SFMBT1: variants seen among roughly 807,000 people sequenced by gnomAD.
SFMBT1 encodes the protein scm-like with four MBT domains protein 1.
A neutral mutation model predicts 108.7 loss-of-function variants in SFMBT1; 32 were observed. The observed-to-expected ratio is 0.29, with a 90% CI of 0.22 to 0.40. The LOEUF is 0.40. SFMBT1 is among the 10% of genes least tolerant of loss of function. SFMBT1 has a pLI of 1.00. For synonymous variants in SFMBT1, 348 were observed against 369.5 expected (o/e 0.94, Z 0.67); for missense variants, 816 against 1,059.6 (o/e 0.77, Z 3.19).
At chr3:53,016,632 G>A (rs550294429) in intron 1 of SFMBT1, among the ~76,000 whole-genome samples, 1 of 152,274 alleles carries the variant, frequency 6.6e-6, no homozygotes, top group African/African-American at 2.4e-5. Context: ...GCCTTCTCAA[G>A]TCATTTTCCT....
chr3:52,977,426 G>A (rs1463016797), intron 1 of SFMBT1, among the ~76,000 whole-genome samples: 2 of 152,066 alleles, frequency 1.3e-5, no homozygotes, highest in African/African-American at 4.8e-5. Context: ...CAGAAGAATC[G>A]CTTGAACCCA....
rs922283354 is a variant in SFMBT1 at position 52,946,309 on chromosome 3, CAG to C, written c.124-2718_124-2717del. Among the ~76,000 whole-genome samples, 166 of 152,260 alleles carry C rather than the reference CAG, an allele frequency of 1.1e-3. 1 individual carries two copies. Among genetic ancestry groups the C allele is most frequent in the African/African-American group, 3.9e-3 (162 of 41,470 alleles). ...ATGCAAGTGGAATCCTGGAGACAGC[CAG>C]AGAGGGAAAGTCCCACATTCTGTGT... On this transcript the variant is annotated intron_variant, in intron 3 of 20. Transcript: ENST00000394752.
At chr3:52,973,641 G>C (rs1704420535) in intron 1 of SFMBT1, among the ~76,000 whole-genome samples, 1 of 151,614 alleles carries the variant, frequency 6.6e-6, no homozygotes, top group African/African-American at 2.4e-5. Flanking sequence ...ATCTTGGTGG[G>C]GTTTTTTTAC....
At chr3:53,038,784 T>C (rs943049542) in intron 1 of SFMBT1, among the ~76,000 whole-genome samples, 8 of 152,198 alleles carry the variant, frequency 5.3e-5, no homozygotes, top group Non-Finnish European at 1.2e-4. Context: ...CACGTACTAG[T>C]TTTCTATCAA....
chr3:52,985,240 C>A (rs1159146263), intron 1 of SFMBT1, among the ~76,000 whole-genome samples: 2 of 152,108 alleles, frequency 1.3e-5, no homozygotes, highest in African/African-American at 2.4e-5. Flanking sequence ...AGGAAAAGAC[C>A]ATGTTCAGTT....
intron 8 of SFMBT1, among the ~76,000 whole-genome samples, chr3:52,929,364 C>T (rs866324895): frequency 1.6e-4 from 25 of 152,006 alleles, no homozygotes; most frequent in African/African-American, 5.8e-4. Flanking sequence ...CTCAGCCTCC[C>T]GAGCAGCTGG....
At chr3:53,030,011 T>A (rs1699628503) in intron 1 of SFMBT1, among the ~76,000 whole-genome samples, 1 of 152,076 alleles carries the variant, frequency 6.6e-6, no homozygotes, top group South Asian at 2.1e-4. Context: ...AAAAACCAGT[T>A]TAAATATTAG....
rs1404090897 is a variant in SFMBT1 at position 52,926,013 on chromosome 3, G to A, written c.1131+18C>T. Reference sequence around the variant, plus strand: ...TGCAGCCCTGCCATAGTGGCCATGAGGCCGTGGGGGTCCTCACCGGAGGGA... The same window carrying A: ...TGCAGCCCTGCCATAGTGGCCATGAAGCCGTGGGGGTCCTCACCGGAGGGA... On this transcript the variant is annotated intron_variant, in intron 10 of 20. Transcript: ENST00000394752. The A allele has an allele frequency of 6.2e-7, 1 of 1,604,662 alleles. No individual in the cohort carries two copies. Among genetic ancestry groups the A allele is most frequent in the Non-Finnish European group, 8.5e-7 (1 of 1,176,516 alleles).
intron 1 of SFMBT1, among the ~76,000 whole-genome samples, chr3:53,037,300 G>A (rs1699897942): frequency 6.6e-6 from 1 of 152,162 alleles, no homozygotes; most frequent in South Asian, 2.1e-4. Context: ...CCTGAGAATG[G>A]AGCCTGACAA....
In SFMBT1 at chr3:52,914,410, T is replaced by C. The variant is rs112259881; in HGVS notation, c.1481-793A>G. 2.6e-3 allele frequency among the ~76,000 whole-genome samples: 394 copies of C among 152,194 alleles called. 1 individual carries two copies. The highest frequency in any genetic ancestry group is 8.7e-3 in the African/African-American group (361 of 41,520). The stretch of plus-strand genomic sequence containing the variant: ...GCCCATTGTTGATAGGATCCTGCAG[T>C]TCATAATGTTTTCTCTTTAATTAAG... On this transcript the variant is annotated intron_variant, in intron 14 of 20. Coordinates refer to ENST00000394752, the MANE Select transcript of SFMBT1 (RefSeq NM_016329.4).
chr3:52,968,716 G>A (rs567340488), intron 2 of SFMBT1, among the ~76,000 whole-genome samples: 2 of 150,064 alleles, frequency 1.3e-5, no homozygotes, highest in African/African-American at 2.5e-5. Context: ...TCTCCTGCCC[G>A]AGTAGCTGGG....
chr3:52,979,031 G>A (rs1462259995), intron 1 of SFMBT1, among the ~76,000 whole-genome samples: 1 of 152,018 alleles, frequency 6.6e-6, no homozygotes, highest in African/African-American at 2.4e-5. Flanking sequence ...ATTAGACTGT[G>A]GTGAGAGTTG....
chr3:52,964,828 T>C (rs1233244385), intron 2 of SFMBT1, among the ~76,000 whole-genome samples: 5 of 152,172 alleles, frequency 3.3e-5, no homozygotes, highest in African/African-American at 4.8e-5. Context: ...TGCTCTAGAA[T>C]TTGATCATCA....
chr3:52,989,991 G>A (rs1049351185), intron 1 of SFMBT1, among the ~76,000 whole-genome samples: 1 of 152,014 alleles, frequency 6.6e-6, no homozygotes, highest in African/African-American at 2.4e-5. Flanking sequence ...TCCTTCAAAG[G>A]GAAAAAATTT....
chr3:52,957,177 A>C (rs1186055432), intron 2 of SFMBT1, among the ~76,000 whole-genome samples: 4 of 152,260 alleles, frequency 2.6e-5, no homozygotes, highest in South Asian at 2.1e-4. Flanking sequence ...CTATACGCCA[A>C]CAACAGACAA....
At chr3:52,945,115 T>C (rs922217549) in intron 3 of SFMBT1, among the ~76,000 whole-genome samples, 2 of 51,348 alleles carry the variant, frequency 3.9e-5, no homozygotes, top group Admixed American at 1.9e-4. Flanking sequence ...AAATTTTGAT[T>C]TCCAAATACC....
At chr3:53,026,581 C>G (rs772974512) in intron 1 of SFMBT1, among the ~76,000 whole-genome samples, 2 of 152,070 alleles carry the variant, frequency 1.3e-5, no homozygotes, top group African/African-American at 4.8e-5. Flanking sequence ...CACAAGTTAA[C>G]AGAGTTTACC....
At chr3:53,041,435 T>A (rs1700049639) in intron 1 of SFMBT1, among the ~76,000 whole-genome samples, 1 of 152,108 alleles carries the variant, frequency 6.6e-6, no homozygotes, top group Non-Finnish European at 1.5e-5. Flanking sequence ...CGGGGGCTCA[T>A]GCCTGTAATC....
intron 10 of SFMBT1, among the ~76,000 whole-genome samples, chr3:52,922,690 G>A (rs1702554740): frequency 6.6e-6 from 1 of 152,160 alleles, no homozygotes; most frequent in Non-Finnish European, 1.5e-5. Flanking sequence ...GAAACATTTA[G>A]GTTATGCCAT....
Sources: allele counts gnomAD v4.1 joint callset (sites outside exome capture counted in the v4.1 genomes callset), GRCh38; gene constraint gnomAD v4.1.1; transcripts MANE v1.5; gene names NCBI Gene and HGNC (gene_info 2026-07-23, HGNC 2026-07-21).